Variants in MAGI1 observed in about 807,000 individuals in gnomAD.
MAGI1 encodes membrane-associated guanylate kinase, WW and PDZ domain-containing protein 1.
MAGI1 carries 58 observed loss-of-function variants against 139.9 expected under a neutral mutation model. The ratio of observed to expected loss-of-function variants is 0.41; its 90% confidence interval spans 0.34 to 0.52. The LOEUF is 0.52. MAGI1 is among the 20% of genes least tolerant of loss of function. MAGI1 has a pLI of 0.12. For synonymous variants in MAGI1, 812 were observed against 737.9 expected, an observed-to-expected ratio of 1.10 and a Z score of -1.63; for missense variants, 1,874 against 1,901.6, an observed-to-expected ratio of 0.99 and a Z score of 0.27.
chr3:65,931,890 C>T (rs950229369), intron 1 of MAGI1, among the ~76,000 whole-genome samples: 1 of 152,054 alleles, frequency 6.6e-6, no homozygotes, highest in South Asian at 2.1e-4. Context: ...TAAGTGTATA[C>T]GCCAACTCAT....
intron 1 of MAGI1, among the ~76,000 whole-genome samples, chr3:65,727,240 A>G (rs2033721274): frequency 1.3e-5 from 2 of 152,206 alleles, no homozygotes; most frequent in Non-Finnish European, 2.9e-5. Flanking sequence ...CTGACAGCAC[A>G]CTTATTTAAA....
intron 1 of MAGI1, among the ~76,000 whole-genome samples, chr3:65,683,165 C>T (rs2087715473): frequency 6.6e-6 from 1 of 152,178 alleles, no homozygotes; most frequent in South Asian, 2.1e-4. Context: ...ACCAGTACCA[C>T]TGTGTGGCCT....
At chr3:65,571,897 G>A (rs556598350) in intron 2 of MAGI1, among the ~76,000 whole-genome samples, 2 of 152,212 alleles carry the variant, frequency 1.3e-5, no homozygotes, top group Admixed American at 6.5e-5. Context: ...CACCAAATGA[G>A]GGCTTTAACT....
At chr3:65,834,025 C>G (rs139223968) in intron 1 of MAGI1, among the ~76,000 whole-genome samples, 1 of 152,330 alleles carries the variant, frequency 6.6e-6, no homozygotes, top group Non-Finnish European at 1.5e-5. Context: ...TCCCTAGACA[C>G]TGGGGATCCT....
At chr3:65,664,824 G>A (rs1576646819) in intron 1 of MAGI1, among the ~76,000 whole-genome samples, 1 of 152,096 alleles carries the variant, frequency 6.6e-6, no homozygotes, top group Non-Finnish European at 1.5e-5. Flanking sequence ...TCTATTTAGT[G>A]CCATTCTTTC....
chr3:65,601,343 G>T (rs2082473923), intron 2 of MAGI1, among the ~76,000 whole-genome samples: 2 of 152,076 alleles, frequency 1.3e-5, no homozygotes, highest in Non-Finnish European at 2.9e-5. Flanking sequence ...TGACTAAAAT[G>T]TAGTAAGAAC....
In MAGI1 at chr3:65,531,800, A is replaced by C. The variant is rs147111194; in HGVS notation, c.431-38169T>G. On this transcript the variant is annotated intron_variant, in intron 2 of 22. Transcript: ENST00000402939. The stretch of plus-strand genomic sequence containing the variant: ...CCAATATTTCAGTTTCCCCATCCAT[A>C]AAATGAGAATAAATAGAACCTATAG... Among the ~76,000 whole-genome samples, 1,228 of 152,352 alleles carry C rather than the reference A, an allele frequency of 8.1e-3. 14 individuals carry two copies. Among genetic ancestry groups the C allele is most frequent in the African/African-American group, 0.028 (1,171 of 41,578 alleles).
At chr3:65,522,347 T>C (rs1045082966) in intron 2 of MAGI1, among the ~76,000 whole-genome samples, 2 of 152,192 alleles carry the variant, frequency 1.3e-5, no homozygotes, top group Non-Finnish European at 2.9e-5. Flanking sequence ...AGCACAAGCA[T>C]AGGCTGCTGG....
intron 3 of MAGI1, among the ~76,000 whole-genome samples, chr3:65,492,244 C>T (rs1238941564): frequency 1.3e-5 from 2 of 152,174 alleles, no homozygotes; most frequent in Admixed American, 6.5e-5. Context: ...ATAATAATAA[C>T]ACTCCAAAAA....
chr3:65,542,984 A>G (rs1481646657), intron 2 of MAGI1, among the ~76,000 whole-genome samples: 2 of 151,836 alleles, frequency 1.3e-5, no homozygotes, highest in South Asian at 2.1e-4. Context: ...ATGGGAGAAC[A>G]TGTTTGCAAT....
At chr3:65,927,476 G>A (rs1406593743) in intron 1 of MAGI1, among the ~76,000 whole-genome samples, 1 of 152,212 alleles carries the variant, frequency 6.6e-6, no homozygotes, top group African/African-American at 2.4e-5. Context: ...TGCTCCCAAT[G>A]CCCTCACCCA....
At chr3:66,031,516 C>T (rs1305213194) in intron 1 of MAGI1, among the ~76,000 whole-genome samples, 1 of 152,074 alleles carries the variant, frequency 6.6e-6, no homozygotes, top group African/African-American at 2.4e-5. Flanking sequence ...TTAAATAACA[C>T]AGCCAATGAC....
intron 2 of MAGI1, among the ~76,000 whole-genome samples, chr3:65,507,892 G>A (rs1304190756): frequency 1.5e-5 from 2 of 130,386 alleles, no homozygotes; most frequent in East Asian, 8.1e-4. Context: ...AGCTTTTAGA[G>A]GTGATTTTTT....
At chr3:65,972,915 A>G (rs2107195849) in intron 1 of MAGI1, among the ~76,000 whole-genome samples, 1 of 152,344 alleles carries the variant, frequency 6.6e-6, no homozygotes, top group African/African-American at 2.4e-5. Flanking sequence ...GAGCCAATCA[A>G]TCAAGTCTTG....
chr3:65,927,912 T>C (rs2062601787), intron 1 of MAGI1, among the ~76,000 whole-genome samples: 1 of 152,128 alleles, frequency 6.6e-6, no homozygotes, highest in South Asian at 2.1e-4. Context: ...CATGTCCTTT[T>C]CAGAAAAAGC....
intron 2 of MAGI1, among the ~76,000 whole-genome samples, chr3:65,565,546 C>A (rs1408752602): frequency 6.6e-6 from 1 of 152,148 alleles, no homozygotes; most frequent in Non-Finnish European, 1.5e-5. Context: ...GTTTGGACAA[C>A]ACTACTCTCA....
chr3:65,892,356 A>G (rs1425779101), intron 1 of MAGI1, among the ~76,000 whole-genome samples: 1 of 152,202 alleles, frequency 6.6e-6, no homozygotes, highest in African/African-American at 2.4e-5. Context: ...GGAAAGAAAA[A>G]GAGAAAACTT....
chr3:65,356,292 TTAGG>T lies in MAGI1; in HGVS notation c.*82_*85del. 1 of 1,359,128 alleles carries T rather than the reference TTAGG, an allele frequency of 7.4e-7. No individual in the cohort carries two copies. The highest frequency in any genetic ancestry group is 1.5e-5 in the South Asian group (1 of 65,898). 84.2% of individuals were successfully genotyped at this position (1,359,128 alleles called of 1,614,324 possible). On this transcript the variant is annotated 3_prime_UTR_variant, in exon 23 of 23. Coordinates refer to ENST00000402939, the MANE Select transcript of MAGI1 (RefSeq NM_001033057.2). ...GGATCATCAGGTGTCAGATGCTTCATTAGGTAAGAAACTAAATAATTTCAGGTTT... is the reference window on the plus strand; with the variant it reads ...GGATCATCAGGTGTCAGATGCTTCATTAAGAAACTAAATAATTTCAGGTTT...
intron 1 of MAGI1, among the ~76,000 whole-genome samples, chr3:65,767,300 G>GC (rs1553703966): frequency 6.8e-6 from 1 of 147,562 alleles, no homozygotes; most frequent in Non-Finnish European, 1.5e-5. Context: ...CCACAGTTTA[G>GC]TTTTTTTTTT....
Sources: allele counts gnomAD v4.1 joint callset (sites outside exome capture counted in the v4.1 genomes callset), GRCh38; gene constraint gnomAD v4.1.1; transcripts MANE v1.5; gene names NCBI Gene and HGNC (gene_info 2026-07-23, HGNC 2026-07-21).